THOP1: variants seen among roughly 807,000 people sequenced by gnomAD.
The protein encoded by THOP1 is thimet oligopeptidase 1, also known as thimet oligopeptidase.
Under a neutral mutation model 71.8 loss-of-function variants are expected in THOP1, and 49 were observed. The ratio of observed to expected loss-of-function variants is 0.68; its 90% CI spans 0.54 to 0.87. The LOEUF is 0.87. Ranked by LOEUF, THOP1 falls within the 40% of genes least tolerant of loss-of-function variation. THOP1 has a pLI of 0.00. For missense variants in THOP1, 843 were observed against 975.6 expected (o/e 0.86, Z 1.81); for synonymous variants, 426 against 421.5 (o/e 1.01, Z -0.13).
rs567158863 is a variant in THOP1, at chr19:2,791,636, G to T, written c.229+1003G>T. ...TCGGTTTCCCCTCCTCGGCCACGTG[G>T]TGGCCCCTTGTCCCTCCCGTAGGAG... On this transcript the variant is annotated intron_variant, in intron 2 of 12. Transcript: ENST00000307741. Among the ~76,000 whole-genome samples the T allele has an allele frequency of 1.1e-4, 16 of 152,246 alleles. No homozygotes were observed. The East Asian group carries it at 3.1e-3, about 29-fold the overall frequency.
intron 2 of THOP1, among the ~76,000 whole-genome samples, chr19:2,791,947 C>G (rs563574362): frequency 6.6e-6 from 1 of 152,348 alleles, no homozygotes; most frequent in South Asian, 2.1e-4. Flanking sequence ...CTCCCCCAGC[C>G]AGGGCCTCTC....
intron 3 of THOP1, 113 bp downstream of exon 3, chr19:2,795,025 T>G: frequency 7.7e-7 from 1 of 1,302,858 alleles, no homozygotes; most frequent in Non-Finnish European, 1.1e-6. Context: ...GGTTTCAACG[T>G]GTTGGTCAGG....
chr19:2,796,311 TG>T, intron 4 of THOP1, 123 bp downstream of exon 4: 4 of 768,554 alleles, frequency 5.2e-6, no homozygotes, highest in Non-Finnish European at 8.4e-6. Flanking sequence ...GGGGGAGTGC[TG>T]GGCTCGGGGA....
In THOP1 at chr19:2,796,337, G is replaced by T. The variant is rs144285829; in HGVS notation, c.486+149G>T. 1,887 of 641,628 alleles carry T rather than the reference G, an allele frequency of 2.9e-3. 38 individuals carry two copies. The African/African-American group carries it at 0.03, about 10-fold the overall frequency. The allele number at this position is 641,628 out of a possible 1,614,324, so 39.7% of individuals were successfully genotyped here. ...GGGCTCGGGGAGTGCTCGGCTCAGGGAGTGCTTGGGGCATCAGGAGTGCTG... is the reference window on the plus strand; with the variant it reads ...GGGCTCGGGGAGTGCTCGGCTCAGGTAGTGCTTGGGGCATCAGGAGTGCTG... On this transcript the variant is annotated intron_variant, in intron 4 of 12. Transcript: ENST00000307741.
At chr19:2,791,799 A>T (rs918441163) in intron 2 of THOP1, among the ~76,000 whole-genome samples, 2 of 152,150 alleles carry the variant, frequency 1.3e-5, no homozygotes, top group Non-Finnish European at 2.9e-5. Context: ...ACTAGCATTA[A>T]AGGAAACTGA....
chr19:2,806,631 C>A, intron 6 of THOP1: 1 of 463,766 alleles, frequency 2.2e-6, no homozygotes, highest in Non-Finnish European at 3.8e-6. Context: ...CCACATGCAG[C>A]AGTGATGCCC....
At chr19:2,795,906 G>A (rs113612467) in intron 3 of THOP1, 175 bp from the exon 4 acceptor site, 39 of 545,980 alleles carry the variant, frequency 7.1e-5, no homozygotes, top group African/African-American at 5.5e-4. Context: ...CAAAGCGAAC[G>A]TTTGCACAGG....
chr19:2,812,649 CGGG>C (rs1311780169), intron 12 of THOP1, among the ~76,000 whole-genome samples: 1 of 152,204 alleles, frequency 6.6e-6, no homozygotes, highest in Non-Finnish European at 1.5e-5. Flanking sequence ...CAGGCTCCTG[CGGG>C]GCTCTGGGGC....
At chr19:2,812,246 C>T in intron 12 of THOP1, 1 of 1,534,392 alleles carries the variant, frequency 6.5e-7, no homozygotes, top group Admixed American at 2.0e-5. Flanking sequence ...GCCTGTGCCT[C>T]CCGCTGACTT....
chr19:2,809,067 A>G (rs1309328777), intron 9 of THOP1, among the ~76,000 whole-genome samples: 2 of 152,196 alleles, frequency 1.3e-5, no homozygotes, highest in Non-Finnish European at 2.9e-5. Flanking sequence ...CGCTCCTCAG[A>G]AAGGCTCTGT....
intron 3 of THOP1, 186 bp from the exon 4 acceptor site, chr19:2,795,895 A>G: frequency 1.9e-6 from 1 of 519,940 alleles, no homozygotes. Flanking sequence ...GCTCTTCCAA[A>G]CAAAGCGAAC....
intron 1 of THOP1, among the ~76,000 whole-genome samples, chr19:2,788,759 A>T (rs1301607826): frequency 6.8e-6 from 1 of 147,836 alleles, no homozygotes; most frequent in South Asian, 2.2e-4. Context: ...GATTACAGGC[A>T]CAAGCCACAG....
chr19:2,796,546 C>T (rs76825535), intron 4 of THOP1, among the ~76,000 whole-genome samples: 193 of 147,794 alleles, frequency 1.3e-3, no homozygotes, highest in African/African-American at 4.6e-3. Flanking sequence ...AGTGCTCGGT[C>T]CCAGGGAGTA....
intron 4 of THOP1, 80 bp from the exon 5 acceptor site, chr19:2,799,609 A>T (rs776253833): frequency 1.7e-4 from 198 of 1,163,336 alleles, no homozygotes; most frequent in Middle Eastern, 3.9e-4. Context: ...GCCCTCGGCG[A>T]GAGGGTTCCC....
intron 4 of THOP1, among the ~76,000 whole-genome samples, chr19:2,798,462 G>A (rs1382663327): frequency 3.3e-5 from 5 of 152,194 alleles, no homozygotes; most frequent in African/African-American, 1.2e-4. Flanking sequence ...GAGGACAGAA[G>A]CGCGGAAAAG....
rs558233970 is a variant in THOP1, at chr19:2,805,485, G to A, written c.750+309G>A. Among the ~76,000 whole-genome samples the A allele has an allele frequency of 2.0e-5, 3 of 152,296 alleles. No individual in the cohort carries two copies. Among genetic ancestry groups the A allele is most frequent in the East Asian group, 3.9e-4 (2 of 5,172 alleles). ...TCTCGTCCCTCCCTTATCTGGAGCC[G>A]CCCCTCAGGTGTGTCAGCCCAGATC... is the stretch of plus-strand genomic sequence containing the variant. On this transcript the variant is annotated intron_variant, in intron 6 of 12. Transcript: ENST00000307741. The surrounding 1 kb of genome is among the most constrained non-coding windows in gnomAD (Gnocchi z 6.6).
chr19:2,802,219 C>T (rs968581120), intron 5 of THOP1, among the ~76,000 whole-genome samples: 2 of 150,568 alleles, frequency 1.3e-5, no homozygotes, highest in Non-Finnish European at 3.0e-5. Flanking sequence ...CCGGACACCC[C>T]CACCTCCTGA....
chr19:2,802,215 AC>A (rs1230459171), intron 5 of THOP1, among the ~76,000 whole-genome samples: 1 of 146,220 alleles, frequency 6.8e-6, no homozygotes, highest in Non-Finnish European at 1.5e-5. Context: ...ACCTCCGGAC[AC>A]CCCCACCTCC....
intron 4 of THOP1, among the ~76,000 whole-genome samples, chr19:2,798,710 T>G (rs1184072287): frequency 6.6e-6 from 1 of 152,244 alleles, no homozygotes. Flanking sequence ...ACAGGCTCCC[T>G]GCAAAGTCCT....
Sources: gnomAD v4.1 joint callset for allele counts (sites outside exome capture counted in the v4.1 genomes callset) on GRCh38, gnomAD v4.1.1 for gene constraint, Gnocchi (gnomAD v3.1) non-coding constraint, MANE v1.5 for transcripts, NCBI Gene and HGNC (gene_info 2026-07-23, HGNC 2026-07-21) for gene names.